SRD5A2: variants seen among roughly 807,000 people sequenced by gnomAD.
SRD5A2 encodes steroid 5 alpha-reductase 2.
A neutral mutation model predicts 27.4 loss-of-function variants in SRD5A2; 30 were observed. The observed-to-expected ratio is 1.10, with a 90% confidence interval of 0.82 to 1.49. The LOEUF is 1.49. Ranked by LOEUF, SRD5A2 falls within the 40% of genes most tolerant of loss-of-function variation. SRD5A2 has a pLI of 0.00. For synonymous variants in SRD5A2, 141 were observed against 133.6 expected (o/e 1.06, Z -0.38); for missense variants, 348 against 323.4 (o/e 1.08, Z -0.58).
intron 1 of SRD5A2, among the ~76,000 whole-genome samples, chr2:31,567,454 G>GTATATATATATATA (rs575917234): frequency 1.1e-4 from 10 of 92,058 alleles, no homozygotes; most frequent in South Asian, 3.2e-4. Context: ...GTGTGTGTGT[G>GTATATATATATATA]TGTATATATA....
intron 4 of SRD5A2, among the ~76,000 whole-genome samples, chr2:31,527,348 AG>A (rs1558355042): frequency 6.6e-6 from 1 of 152,202 alleles, no homozygotes; most frequent in Non-Finnish European, 1.5e-5. Context: ...AAGTTACAAA[AG>A]GTGGCTGGTT....
the SRD5A2 span, among the ~76,000 whole-genome samples, chr2:31,626,829 C>T: frequency 3.3e-5 from 5 of 151,342 alleles, no homozygotes; most frequent in Admixed American, 6.6e-5. Context: ...TTTTTTTTGA[C>T]GTGTTTCTGC....
At chr2:31,573,450 T>G (rs1666892480) in intron 1 of SRD5A2, among the ~76,000 whole-genome samples, 1 of 152,204 alleles carries the variant, frequency 6.6e-6, no homozygotes, top group Non-Finnish European at 1.5e-5. Flanking sequence ...AGTCCAGACT[T>G]TGATGTCCCC....
At chr2:31,589,673 C>T in the SRD5A2 span, among the ~76,000 whole-genome samples, 5 of 152,098 alleles carry the variant, frequency 3.3e-5, no homozygotes, top group South Asian at 2.1e-4. Context: ...GGAGGGGCCA[C>T]AGGGTGAAGG....
the SRD5A2 span, among the ~76,000 whole-genome samples, chr2:31,644,379 A>C: frequency 2.0e-5 from 3 of 152,192 alleles, no homozygotes; most frequent in Admixed American, 2.0e-4. Flanking sequence ...GAGGAAGAAG[A>C]GGAATACCTA....
chr2:31,658,381 C>G, the SRD5A2 span, among the ~76,000 whole-genome samples: 1 of 151,884 alleles, frequency 6.6e-6, no homozygotes, highest in African/African-American at 2.4e-5. Flanking sequence ...AAAATCAGAG[C>G]TGACCTGAAG....
At chr2:31,633,455 T>A in the SRD5A2 span, among the ~76,000 whole-genome samples, 2 of 152,170 alleles carry the variant, frequency 1.3e-5, no homozygotes, top group East Asian at 1.9e-4. Flanking sequence ...GCCATTTCAA[T>A]CCCTGTATCT....
chr2:31,567,134 C>G (rs924431199), intron 1 of SRD5A2, among the ~76,000 whole-genome samples: 1 of 152,110 alleles, frequency 6.6e-6, no homozygotes, highest in Admixed American at 6.5e-5. Context: ...TAGGTAACTT[C>G]CAGTGTTTCA....
intron 1 of SRD5A2, among the ~76,000 whole-genome samples, chr2:31,541,795 T>C (rs547589742): frequency 8.6e-4 from 131 of 152,284 alleles, no homozygotes; most frequent in African/African-American, 3.1e-3. Flanking sequence ...ACAGTGATTG[T>C]GGGGCTCTGC....
the SRD5A2 span, among the ~76,000 whole-genome samples, chr2:31,655,864 AT>A: frequency 3.3e-5 from 5 of 152,332 alleles, no homozygotes; most frequent in Non-Finnish European, 5.9e-5. Flanking sequence ...AAATATAAAG[AT>A]AAAGAAAACT....
At chr2:31,596,425 T>C in the SRD5A2 span, among the ~76,000 whole-genome samples, 1 of 148,166 alleles carries the variant, frequency 6.7e-6, no homozygotes, top group East Asian at 2.0e-4. Context: ...CCCTGCAGAC[T>C]GGAACAGGAC....
At chr2:31,650,273 A>G in the SRD5A2 span, among the ~76,000 whole-genome samples, 1 of 152,076 alleles carries the variant, frequency 6.6e-6, no homozygotes, top group Non-Finnish European at 1.5e-5. Flanking sequence ...TATTTTTTGT[A>G]TTTATAGATG....
intron 1 of SRD5A2, among the ~76,000 whole-genome samples, chr2:31,574,684 G>A (rs1170400337): frequency 1.3e-5 from 2 of 152,128 alleles, no homozygotes; most frequent in African/African-American, 4.8e-5. Flanking sequence ...AATATTTACT[G>A]CCAAGTCCCC....
chr2:31,656,246 G>T, the SRD5A2 span, among the ~76,000 whole-genome samples: 1 of 152,138 alleles, frequency 6.6e-6, no homozygotes, highest in African/African-American at 2.4e-5. Context: ...CAGAGAAGAT[G>T]AATGGTTTGA....
intron 2 of SRD5A2, among the ~76,000 whole-genome samples, 193 bp from the exon 3 acceptor site, chr2:31,531,665 C>T (rs1031062686): frequency 1.3e-5 from 2 of 149,672 alleles, no homozygotes; most frequent in Non-Finnish European, 3.0e-5. Context: ...GTGCTGTTTC[C>T]TAGACTTGGG....
the SRD5A2 span, among the ~76,000 whole-genome samples, chr2:31,631,216 G>C: frequency 5.5e-4 from 84 of 152,260 alleles, no homozygotes; most frequent in Non-Finnish European, 2.9e-4. Context: ...TCATCTCTGA[G>C]CACAAAGGCA....
chr2:31,541,656 A>G (rs552549540), intron 1 of SRD5A2, among the ~76,000 whole-genome samples: 31 of 152,232 alleles, frequency 2.0e-4, no homozygotes, highest in African/African-American at 7.0e-4. Context: ...TTAACTTCAT[A>G]TTGCTGAAAG....
At chr2:31,586,685 T>C in the SRD5A2 span, among the ~76,000 whole-genome samples, 1 of 152,248 alleles carries the variant, frequency 6.6e-6, no homozygotes, top group African/African-American at 2.4e-5. Flanking sequence ...ATAGCATTAC[T>C]GGGATTGTGG....
chr2:31,554,232 A>G (rs931002790), intron 1 of SRD5A2, among the ~76,000 whole-genome samples: 1 of 152,146 alleles, frequency 6.6e-6, no homozygotes, highest in Non-Finnish European at 1.5e-5. Context: ...TTTCTCAAAA[A>G]ATGTCTTACC....
Sources: gnomAD v4.1 joint callset for allele counts (sites outside exome capture counted in the v4.1 genomes callset) on GRCh38, gnomAD v4.1.1 for gene constraint, MANE v1.5 for transcripts, NCBI Gene and HGNC (gene_info 2026-07-23, HGNC 2026-07-21) for gene names.